The following JADE3 variants were observed in gnomAD, a reference collection of about 807,000 sequenced individuals.
JADE3 encodes jade family PHD finger 3.
In JADE3, 2 loss-of-function variants were observed where a neutral mutation model predicts 50.1. That is an observed-to-expected ratio of 0.04 (90% CI 0.02 to 0.13). JADE3 has a LOEUF of 0.13. JADE3 is among the 10% of genes least tolerant of loss of function. The pLI is 1.00. For synonymous variants in JADE3, 218 were observed against 232.9 expected (o/e 0.94, Z 0.58); for missense variants, 475 against 634.4 (o/e 0.75, Z 2.70).
At chrX:46,982,140 C>A (rs185466350) in intron 1 of JADE3, among the ~76,000 whole-genome samples, 1 of 111,395 alleles carries the variant, frequency 9.0e-6, no homozygotes, top group East Asian at 2.8e-4. Flanking sequence ...CTACATTTCT[C>A]TGAGGCTGTT....
At position 47,056,159 on chromosome X, in the gene JADE3, C is replaced by T. The variant is rs145597232; in HGVS notation, c.1521C>T (p.Phe507=). 2.2e-5 allele frequency: 26 copies of T among 1,201,082 alleles called. No individual in the cohort carries two copies. The highest frequency in any genetic ancestry group is 3.5e-5 in the African/African-American group (2 of 57,036). The change falls in exon 10 of 11, where the codon TTC becomes TTT. Residue 507 remains phenylalanine (F), a synonymous_variant. Transcript: ENST00000614628. The stretch of plus-strand genomic sequence containing the variant: ...ACAACAAAATACAGGAACAGATCTT[C>T]GGTTTGCAAGTCCAGCTTCTTAACC... ...LSHNKIQEQI[F]GLQVQLLNQE... is the part of the protein sequence containing the mutation.
At chrX:46,927,561 A>G (rs1926397436) in intron 1 of JADE3, among the ~76,000 whole-genome samples, 1 of 112,154 alleles carries the variant, frequency 8.9e-6, no homozygotes, top group South Asian at 3.7e-4. Flanking sequence ...CCAAAAATTG[A>G]GTACATTGCT....
At chrX:46,937,718 C>T (rs74930433) in intron 1 of JADE3, among the ~76,000 whole-genome samples, 4 of 112,127 alleles carry the variant, frequency 3.6e-5, no homozygotes, top group African/African-American at 1.3e-4. Context: ...TGGTGGCTCA[C>T]GCCTGTAATC....
intron 1 of JADE3, among the ~76,000 whole-genome samples, chrX:46,919,048 C>G (rs1258077687): frequency 8.9e-6 from 1 of 112,402 alleles, no homozygotes; most frequent in African/African-American, 3.2e-5. Flanking sequence ...GTTAAACACC[C>G]ATTTCTGAAT....
At chrX:47,004,248 T>G (rs1928360990) in intron 4 of JADE3, among the ~76,000 whole-genome samples, 1 of 111,446 alleles carries the variant, frequency 9.0e-6, no homozygotes, top group African/African-American at 3.3e-5. Context: ...TATATCTGTA[T>G]TGTATCAGGG....
chrX:47,046,237 C>T (rs1481657619), intron 8 of JADE3, among the ~76,000 whole-genome samples: 4 of 111,543 alleles, frequency 3.6e-5, no homozygotes, highest in African/African-American at 1.3e-4. Flanking sequence ...TCATTAGAGG[C>T]TGCTATGAGC....
intron 1 of JADE3, among the ~76,000 whole-genome samples, chrX:46,947,730 A>G (rs1473409024): frequency 9.0e-6 from 1 of 111,363 alleles, no homozygotes; most frequent in East Asian, 2.8e-4. Flanking sequence ...TATCTTTCAT[A>G]ATAAAAATCT....
At chrX:47,047,549 C>CAAA (rs782645560) in intron 8 of JADE3, among the ~76,000 whole-genome samples, 1 of 64,115 alleles carries the variant, frequency 1.6e-5, no homozygotes, top group Non-Finnish European at 3.1e-5. Context: ...AACTCCATTA[C>CAAA]AAAAAAAAAA....
chrX:46,915,688 T>C (rs1231623485), intron 1 of JADE3, among the ~76,000 whole-genome samples: 3 of 110,757 alleles, frequency 2.7e-5, no homozygotes, highest in South Asian at 3.9e-4. Flanking sequence ...TTCCTGTAGG[T>C]CTTTCCATAG....
intron 1 of JADE3, among the ~76,000 whole-genome samples, chrX:46,926,076 T>TA (rs1224007560): frequency 9.4e-6 from 1 of 105,952 alleles, no homozygotes; most frequent in African/African-American, 3.4e-5. Flanking sequence ...TATTTTATTT[T>TA]AAGAGATGGG....
At chrX:46,994,562 G>A (rs1365298154) in intron 3 of JADE3, among the ~76,000 whole-genome samples, 1 of 112,058 alleles carries the variant, frequency 8.9e-6, no homozygotes, top group African/African-American at 3.2e-5. Flanking sequence ...AAATGGCTGT[G>A]TTTTATTTTG....
chrX:46,928,848 A>G (rs1926431845), intron 1 of JADE3, among the ~76,000 whole-genome samples: 1 of 111,697 alleles, frequency 9.0e-6, no homozygotes, highest in African/African-American at 3.3e-5. Context: ...CCTGGCCTCA[A>G]GTGATTCTCC....
At chrX:46,992,947 T>C (rs1569536662) in intron 3 of JADE3, among the ~76,000 whole-genome samples, 1 of 111,394 alleles carries the variant, frequency 9.0e-6, no homozygotes. Flanking sequence ...GTATGTTCTT[T>C]GTTAATTTTT....
At chrX:47,037,587 C>A (rs1929161935) in intron 7 of JADE3, among the ~76,000 whole-genome samples, 2 of 111,582 alleles carry the variant, frequency 1.8e-5, no homozygotes, top group African/African-American at 6.5e-5. Context: ...GAGTTCAAGA[C>A]CAGCCTGAGG....
intron 1 of JADE3, among the ~76,000 whole-genome samples, chrX:46,949,397 G>A (rs1001944173): frequency 1.2e-4 from 13 of 111,944 alleles, no homozygotes; most frequent in Non-Finnish European, 2.3e-4. Flanking sequence ...GTCATAGGGT[G>A]TGCACATGTT....
chrX:47,021,454 A>G (rs1191624522), intron 4 of JADE3, among the ~76,000 whole-genome samples: 1 of 111,285 alleles, frequency 9.0e-6, no homozygotes, highest in African/African-American at 3.3e-5. Flanking sequence ...CACTTTTGCT[A>G]AGTATATACC....
chrX:46,993,036 G>A (rs1928052131), intron 3 of JADE3, among the ~76,000 whole-genome samples: 1 of 111,714 alleles, frequency 9.0e-6, no homozygotes, highest in South Asian at 3.7e-4. Context: ...TTAATCCCTA[G>A]AAAAAGTACA....
chrX:46,995,115 C>T (rs948775262), intron 3 of JADE3, among the ~76,000 whole-genome samples: 3 of 107,210 alleles, frequency 2.8e-5, no homozygotes, highest in South Asian at 4.2e-4. Flanking sequence ...CTGCAAGCTC[C>T]GCCTCCTGGG....
intron 1 of JADE3, among the ~76,000 whole-genome samples, chrX:46,949,740 C>T (rs1309548316): frequency 5.4e-5 from 6 of 111,718 alleles, no homozygotes; most frequent in Non-Finnish European, 1.1e-4. Context: ...CCCCTCTAAG[C>T]GGAGGTAGCT....
Sources: gnomAD v4.1 joint callset for allele counts (sites outside exome capture counted in the v4.1 genomes callset) on GRCh38, gnomAD v4.1.1 for gene constraint, MANE v1.5 for transcripts, NCBI Gene and HGNC (gene_info 2026-07-23, HGNC 2026-07-21) for gene names.